GPD2: variants seen among roughly 807,000 people sequenced by gnomAD.
GPD2 encodes glycerol-3-phosphate dehydrogenase 2, also known as glycerol-3-phosphate dehydrogenase, mitochondrial.
A neutral mutation model predicts 82.4 loss-of-function variants in GPD2; 54 were observed. That is an observed-to-expected ratio of 0.66 (90% confidence interval 0.53 to 0.82). The LOEUF is 0.82. GPD2 is among the 40% of genes least tolerant of loss of function. The probability of loss-of-function intolerance (pLI) is 0.00; values close to 1 mark genes in which losing one functional copy is unlikely to be tolerated. For synonymous variants in GPD2, 288 were observed against 306.1 expected, an observed-to-expected ratio of 0.94 and a Z score of 0.62; for missense variants, 748 against 896.2, an observed-to-expected ratio of 0.83 and a Z score of 2.11.
chr2:156,530,434 T>C (rs1406686149), intron 6 of GPD2, among the ~76,000 whole-genome samples: 16 of 151,602 alleles, frequency 1.1e-4, no homozygotes, highest in Non-Finnish European at 1.9e-4. Flanking sequence ...CTTTCTCCTG[T>C]CTAATTGCCC....
intron 1 of GPD2, among the ~76,000 whole-genome samples, chr2:156,454,498 A>G (rs1185387236): frequency 6.6e-6 from 1 of 151,752 alleles, no homozygotes; most frequent in East Asian, 1.9e-4. Flanking sequence ...TCTATGAAAA[A>G]AAAAAAGTGA....
At chr2:156,477,241 G>A (rs948074964) in intron 2 of GPD2, among the ~76,000 whole-genome samples, 2 of 152,142 alleles carry the variant, frequency 1.3e-5, no homozygotes, top group Non-Finnish European at 2.9e-5. Context: ...GACCAGCCTG[G>A]ACAATATGGT....
intron 1 of GPD2, among the ~76,000 whole-genome samples, chr2:156,469,822 A>T (rs1351300520): frequency 6.6e-6 from 1 of 152,144 alleles, no homozygotes; most frequent in Non-Finnish European, 1.5e-5. Context: ...GAGCATGGGG[A>T]TTAGAAAGGT....
Position 156,579,183 on chromosome 2 carries a change from TG to T in GPD2, c.1959+20del. 1 of 1,316,092 alleles carries T rather than the reference TG, an allele frequency of 7.6e-7. No homozygotes were observed. The highest frequency in any genetic ancestry group is 1.1e-6 in the Non-Finnish European group (1 of 908,694). The allele number at this position is 1,316,092 out of a possible 1,614,324, so 81.5% of individuals were successfully genotyped here. A position where few individuals can be genotyped will look rare whatever the true frequency, so the allele number is the denominator to read the frequency against. The stretch of plus-strand genomic sequence containing the variant: ...ATTAGAGGTAATTTTCTTTGGTTGA[TG>T]TCAGCCTCTGATACTAGAAGAATAT... On this transcript the variant is annotated intron_variant, in intron 15 of 16. Coordinates refer to ENST00000438166, the MANE Select transcript of GPD2 (RefSeq NM_000408.5).
At chr2:156,437,158 T>C (rs974640344) in intron 1 of GPD2, among the ~76,000 whole-genome samples, 1 of 152,152 alleles carries the variant, frequency 6.6e-6, no homozygotes, top group African/African-American at 2.4e-5. Flanking sequence ...GTTAGTGACA[T>C]GGGCAACCCA....
intron 9 of GPD2, among the ~76,000 whole-genome samples, chr2:156,564,185 G>T (rs1009374545): frequency 2.0e-5 from 3 of 152,032 alleles, no homozygotes; most frequent in Non-Finnish European, 4.4e-5. Context: ...GCCTCAAGAG[G>T]TGATTAATGA....
chr2:156,478,722 T>C (rs1683612369), intron 2 of GPD2, among the ~76,000 whole-genome samples: 1 of 152,220 alleles, frequency 6.6e-6, no homozygotes, highest in Non-Finnish European at 1.5e-5. Context: ...ACACTTTTGT[T>C]TGTAGAAGCT....
At chr2:156,481,040 G>A (rs547871588) in intron 2 of GPD2, among the ~76,000 whole-genome samples, 1 of 151,938 alleles carries the variant, frequency 6.6e-6, no homozygotes, top group East Asian at 2.0e-4. Flanking sequence ...CATAAGCAAC[G>A]GAACAAAAAG....
At chr2:156,560,368 A>C (rs992970154) in intron 9 of GPD2, among the ~76,000 whole-genome samples, 1 of 152,192 alleles carries the variant, frequency 6.6e-6, no homozygotes, top group Non-Finnish European at 1.5e-5. Flanking sequence ...GAAACTAACA[A>C]ATAGTTATTG....
At chr2:156,507,232 G>A (rs779401205) in intron 3 of GPD2, among the ~76,000 whole-genome samples, 2 of 151,634 alleles carry the variant, frequency 1.3e-5, no homozygotes, top group African/African-American at 2.4e-5. Context: ...GGCTGGTCTT[G>A]AACTCCTGAC....
intron 1 of GPD2, among the ~76,000 whole-genome samples, chr2:156,461,019 T>C (rs1031845697): frequency 6.6e-6 from 1 of 152,134 alleles, no homozygotes; most frequent in Admixed American, 6.5e-5. Flanking sequence ...ACCCTCTCTC[T>C]CTCCTGGGGG....
rs757748055 is a variant in GPD2 at position 156,579,671 on chromosome 2, A to T, written c.1960-19A>T. 1 of 1,106,304 alleles carries T rather than the reference A, an allele frequency of 9.0e-7. No individual in the cohort carries two copies. The highest frequency in any genetic ancestry group is 1.7e-5 in the Admixed American group (1 of 59,394). 68.5% of individuals were successfully genotyped at this position (1,106,304 alleles called of 1,614,324 possible). A position where few individuals can be genotyped will look rare whatever the true frequency, so the allele number is the denominator to read the frequency against. ...ATTTTTAATCAAACTGTATTATTCT[A>T]TGCTTTTCTTTTACTTAGAGTATCA... is the stretch of plus-strand genomic sequence containing the variant. On this transcript the variant is annotated intron_variant, in intron 15 of 16. Transcript: ENST00000438166.
rs1490704996 is a variant in GPD2 at position 156,557,721 on chromosome 2, G to C, written c.1165+139G>C. The stretch of plus-strand genomic sequence containing the variant: ...CTTGTGCCTCTTAGAACATTTATGA[G>C]GGCCAAATTTTAACATAATGGGGAG... On this transcript the variant is annotated intron_variant, in intron 9 of 16. Coordinates refer to ENST00000438166, the MANE Select transcript of GPD2 (RefSeq NM_000408.5). 58 of 690,302 alleles carry C rather than the reference G, an allele frequency of 8.4e-5. No homozygotes were observed. The East Asian group carries it at 1.5e-3, about 17-fold the overall frequency. The allele number at this position is 690,302 out of a possible 1,614,324, so 42.8% of individuals were successfully genotyped here. A position where few individuals can be genotyped will look rare whatever the true frequency, so the allele number is the denominator to read the frequency against.
intron 1 of GPD2, among the ~76,000 whole-genome samples, chr2:156,471,812 G>A (rs534303547): frequency 6.6e-6 from 1 of 152,094 alleles, no homozygotes; most frequent in Non-Finnish European, 1.5e-5. Context: ...AGAGTTACAA[G>A]ACACACTTTG....
chr2:156,581,755 C>T (rs951188449), intron 16 of GPD2, among the ~76,000 whole-genome samples: 2 of 151,924 alleles, frequency 1.3e-5, no homozygotes, highest in Admixed American at 6.6e-5. Flanking sequence ...TGTAGGAGTC[C>T]ATCTCTAATA....
intron 9 of GPD2, among the ~76,000 whole-genome samples, chr2:156,563,399 A>G (rs1270479276): frequency 6.6e-6 from 1 of 152,170 alleles, no homozygotes; most frequent in East Asian, 1.9e-4. Flanking sequence ...TTGAGCTGTA[A>G]AGCATAGAGG....
chr2:156,561,153 T>G (rs1294370494), intron 9 of GPD2, among the ~76,000 whole-genome samples: 3 of 144,826 alleles, frequency 2.1e-5, no homozygotes, highest in Non-Finnish European at 4.5e-5. Flanking sequence ...GTTGAAGCAA[T>G]TCTCCTGCCT....
intron 6 of GPD2, among the ~76,000 whole-genome samples, chr2:156,540,556 C>T (rs1231052344): frequency 3.9e-5 from 6 of 152,182 alleles, no homozygotes; most frequent in African/African-American, 1.4e-4. Flanking sequence ...GAGGTTAGAA[C>T]TTGAGTTTTC....
chr2:156,410,289 G>T, the GPD2 span, among the ~76,000 whole-genome samples: 10 of 152,108 alleles, frequency 6.6e-5, no homozygotes, highest in Non-Finnish European at 1.3e-4. Flanking sequence ...AAGGTTTGTA[G>T]TTCTATTTTC....
Sources: gnomAD v4.1 joint callset for allele counts (sites outside exome capture counted in the v4.1 genomes callset) on GRCh38, gnomAD v4.1.1 for gene constraint, MANE v1.5 for transcripts, NCBI Gene and HGNC (gene_info 2026-07-23, HGNC 2026-07-21) for gene names.